PHF12: variants seen among roughly 807,000 people sequenced by gnomAD.
PHF12 encodes PHD factor 1.
In PHF12, 6 loss-of-function variants were observed where a neutral mutation model predicts 99.8. The observed-to-expected ratio is 0.06, with a 90% confidence interval of 0.03 to 0.12. The LOEUF (loss-of-function observed/expected upper bound fraction) is 0.12, where lower values mean the gene tolerates loss of function less well. Ranked by LOEUF, PHF12 falls within the 10% of genes least tolerant of loss-of-function variation. PHF12 has a pLI of 1.00. For synonymous variants in PHF12, 480 were observed against 514.9 expected (o/e 0.93, Z 0.92); for missense variants, 954 against 1,300.1 (o/e 0.73, Z 4.09).
chr17:28,924,076 A>G lies in PHF12; in HGVS notation c.548T>C (p.Val183Ala). Reference protein sequence around the residue: ...TETPTSEQNDVDEDIIDVDEE... With the variant: ...TETPTSEQNDADEDIIDVDEE... ...ATCCACGTCAATGATGTCTTCGTCG[A>G]CATCATTCTGCTCAGAGGTGGGAGT... Residue 183 changes from valine (V) to alanine (A), a missense_variant, in exon 4 of 15, where the codon GTC becomes GCC. Val to Ala is a moderately conservative substitution (Grantham distance 64). Transcript: ENST00000332830. 6.2e-7 allele frequency: 1 copy of G among 1,614,166 alleles called. No homozygotes were observed. The highest frequency in any genetic ancestry group is 8.5e-7 in the Non-Finnish European group (1 of 1,180,020).
At position 28,917,138 on chromosome 17, in the gene PHF12, T is replaced by C. The variant is rs1204153756; in HGVS notation, c.1134+147A>G. On this transcript the variant is annotated intron_variant, in intron 7 of 14. Coordinates refer to ENST00000332830, the MANE Select transcript of PHF12 (RefSeq NM_001033561.2). ...TGACCATCATCCCCAAGTATTAAAA[T>C]GAAGGTCACACTCATTACTCACGAG... The C allele has an allele frequency of 8.6e-6, 9 of 1,046,006 alleles. No homozygotes were observed. The Admixed American group carries it at 2.1e-4, about 25-fold the overall frequency. 64.8% of individuals were successfully genotyped at this position (1,046,006 alleles called of 1,614,324 possible).
At position 28,950,340 on chromosome 17, in the gene PHF12, C is replaced by A; in HGVS notation, c.67-94G>T. ...CGGTTTCTCCGTCACCCACCCCTCT[C>A]CCCCCTTTTGTCCTTCTTCCTCCCA... On this transcript the variant is annotated intron_variant, in intron 1 of 14. Coordinates refer to ENST00000332830, the MANE Select transcript of PHF12 (RefSeq NM_001033561.2). This position sits in a 1 kb window ranked among gnomAD's most constrained non-coding sequence, Gnocchi z 5.7. 3.7e-6 allele frequency: 5 copies of A among 1,342,512 alleles called. No homozygotes were observed. Among genetic ancestry groups the A allele is most frequent in the Non-Finnish European group, 5.0e-6 (5 of 995,052 alleles). 83.2% of individuals were successfully genotyped at this position (1,342,512 alleles called of 1,614,324 possible).
At chr17:28,946,866 G>A (rs2040730704) in intron 2 of PHF12, among the ~76,000 whole-genome samples, 1 of 151,902 alleles carries the variant, frequency 6.6e-6, no homozygotes, top group Non-Finnish European at 1.5e-5. Flanking sequence ...TTTCCGTATG[G>A]AAGGAAAATT....
chr17:28,940,622 A>C (rs560938020), intron 2 of PHF12, among the ~76,000 whole-genome samples: 1 of 152,154 alleles, frequency 6.6e-6, no homozygotes, highest in African/African-American at 2.4e-5. Flanking sequence ...CTTTGTTCTT[A>C]TTTGCTGAGA....
In PHF12 at chr17:28,950,848, G is replaced by C. The variant is rs1458000150; in HGVS notation, c.66+47C>G. On this transcript the variant is annotated intron_variant, in intron 1 of 14. Transcript: ENST00000332830. This position sits in a 1 kb window ranked among gnomAD's most constrained non-coding sequence, Gnocchi z 5.7. ...TGGCTTTGTGGGGCGGAGGGCGGAG[G>C]TTCCCTCCCGGCGCTGGAGGAAGGA... 1.9e-6 allele frequency: 3 copies of C among 1,607,984 alleles called. No individual in the cohort carries two copies. The highest frequency in any genetic ancestry group is 2.6e-6 in the Non-Finnish European group (3 of 1,176,416).
In PHF12 at chr17:28,950,316, G is replaced by C; in HGVS notation, c.67-70C>G. 1 of 1,493,192 alleles carries C rather than the reference G, an allele frequency of 6.7e-7. No individual in the cohort carries two copies. The highest frequency in any genetic ancestry group is 9.0e-7 in the Non-Finnish European group (1 of 1,112,358). The allele number at this position is 1,493,192 out of a possible 1,614,324, so 92.5% of individuals were successfully genotyped here. A position where few individuals can be genotyped will look rare whatever the true frequency, so the allele number is the denominator to read the frequency against. On this transcript the variant is annotated intron_variant, in intron 1 of 14. Coordinates refer to ENST00000332830, the MANE Select transcript of PHF12 (RefSeq NM_001033561.2). This position sits in a 1 kb window ranked among gnomAD's most constrained non-coding sequence, Gnocchi z 5.7. ...GGGCGGTCCGTCGCCCCCCCGGCGC[G>C]GTTTCTCCGTCACCCACCCCTCTCC...
intron 7 of PHF12, among the ~76,000 whole-genome samples, chr17:28,914,670 T>A (rs1344563614): frequency 5.6e-5 from 1 of 17,808 alleles, no homozygotes; most frequent in Non-Finnish European, 8.7e-5. Context: ...AGACTCCGTC[T>A]CAAAAAAAAA....
At chr17:28,924,453 T>C in intron 3 of PHF12, 151 bp from the exon 4 acceptor site, 3 of 1,039,004 alleles carry the variant, frequency 2.9e-6, no homozygotes, top group Non-Finnish European at 4.3e-6. Context: ...CACTGGTCTG[T>C]TAAAGTTGAC....
At chr17:28,933,400 G>C (rs1015048557) in intron 2 of PHF12, among the ~76,000 whole-genome samples, 3 of 152,162 alleles carry the variant, frequency 2.0e-5, no homozygotes, top group Non-Finnish European at 4.4e-5. Context: ...CATCATACAG[G>C]TGAGGAAACT....
In PHF12 at chr17:28,949,557, A is replaced by G. The variant is rs1309737130; in HGVS notation, c.248+508T>C. On this transcript the variant is annotated intron_variant, in intron 2 of 14. Transcript: ENST00000332830. This position sits in a 1 kb window ranked among gnomAD's most constrained non-coding sequence, Gnocchi z 4.6. ...CCATATTGTAAACAGAGAGGCAAAG[A>G]AGAGGCGGACTCGAGAGACACCCTC... The G allele has an allele frequency of 6.5e-6, 1 of 154,062 alleles. No individual in the cohort carries two copies. Among genetic ancestry groups the G allele is most frequent in the Non-Finnish European group, 1.4e-5 (1 of 69,240 alleles). 9.5% of individuals were successfully genotyped at this position (154,062 alleles called of 1,614,324 possible).
rs1400705834 is a variant in PHF12 at position 28,949,991 on chromosome 17, CA to C, written c.248+73del. 7 of 1,445,410 alleles carry C rather than the reference CA, an allele frequency of 4.8e-6. No individual in the cohort carries two copies. In the African/African-American group the frequency reaches 8.7e-5, roughly 18 times the overall value. The allele number at this position is 1,445,410 out of a possible 1,614,324, so 89.5% of individuals were successfully genotyped here. ...TGCAAGCGCCCGTTATTTCGGCAGT[CA>C]GGGGCAGGCCGGGTGAAGGAATGCG... On this transcript the variant is annotated intron_variant, in intron 2 of 14. Coordinates refer to ENST00000332830, the MANE Select transcript of PHF12 (RefSeq NM_001033561.2). This position sits in a 1 kb window ranked among gnomAD's most constrained non-coding sequence, Gnocchi z 4.6.
intron 2 of PHF12, among the ~76,000 whole-genome samples, chr17:28,931,804 A>C (rs1598149133): frequency 6.8e-6 from 1 of 147,534 alleles, no homozygotes; most frequent in South Asian, 2.2e-4. Context: ...CTGGTCTCGA[A>C]CTCCTGACCT....
At chr17:28,919,057 C>T (rs1370890690) in intron 6 of PHF12, 86 bp downstream of exon 6, 21 of 1,483,402 alleles carry the variant, frequency 1.4e-5, no homozygotes, top group Non-Finnish European at 1.7e-5. Flanking sequence ...GAACTTGGCA[C>T]CAAGCTGACC....
chr17:28,947,303 T>C (rs1444724750), intron 2 of PHF12, among the ~76,000 whole-genome samples: 1 of 152,126 alleles, frequency 6.6e-6, no homozygotes, highest in African/African-American at 2.4e-5. Context: ...TGAAAACACA[T>C]TCAAGAATAA....
In PHF12 at chr17:28,906,885, C is replaced by T. The variant is rs1206894217; in HGVS notation, c.2651G>A (p.Ser884Asn). The change falls in exon 14 of 15, where the codon AGT (serine) becomes AAT (asparagine). Residue 884 changes from serine (S) to asparagine (N), a missense_variant. Around this residue, in one of 8 missense-constraint regions of PHF12, gnomAD observed 136 missense variants for 172.3 expected, o/e 0.79. Transcript: ENST00000332830. This position sits in a 1 kb window ranked among gnomAD's most constrained non-coding sequence, Gnocchi z 4.2. ...SEKTPPTPPS[S>N]IVAKVQSVIR... ...GACACTCTGCACTTTGGCAACAATA[C>T]TGCTTGGGGGGGTTGGCGGGGTCTT... The T allele has an allele frequency of 6.2e-7, 1 of 1,610,068 alleles. No individual in the cohort carries two copies. Among genetic ancestry groups the T allele is most frequent in the African/African-American group, 1.3e-5 (1 of 74,814 alleles).
chr17:28,939,787 G>T (rs1317475714), intron 2 of PHF12, among the ~76,000 whole-genome samples: 1 of 152,188 alleles, frequency 6.6e-6, no homozygotes, highest in Admixed American at 6.5e-5. Flanking sequence ...CCACAAACAG[G>T]GGTCCACCTG....
At chr17:28,926,136 T>C (rs914124454) in intron 3 of PHF12, 1 of 152,520 alleles carries the variant, frequency 6.6e-6, no homozygotes, top group African/African-American at 2.4e-5. Context: ...TGAAAAATAA[T>C]GTCTGCTTGT....
Position 28,912,092 on chromosome 17 carries a change from A to T in PHF12, c.2089+390T>A. 15 of 1,029,712 alleles carry T rather than the reference A, an allele frequency of 1.5e-5. No individual in the cohort carries two copies. The South Asian group carries it at 2.7e-4, about 18-fold the overall frequency. The allele number at this position is 1,029,712 out of a possible 1,614,324, so 63.8% of individuals were successfully genotyped here. The stretch of plus-strand genomic sequence containing the variant: ...CTTTTGTGTGGATCTGACAATACTG[A>T]GGCCATCACGCAGAACCTCAGGCTG... On this transcript the variant is annotated intron_variant, in intron 9 of 14. Transcript: ENST00000332830.
At chr17:28,920,648 C>T (rs528261625) in intron 5 of PHF12, among the ~76,000 whole-genome samples, 72 of 152,290 alleles carry the variant, frequency 4.7e-4, no homozygotes, top group South Asian at 1.9e-3. Flanking sequence ...CTGCAACCTC[C>T]GCCTCCTGGG....
Sources: allele counts gnomAD v4.1 joint callset (sites outside exome capture counted in the v4.1 genomes callset), GRCh38; gene constraint gnomAD v4.1.1; regional missense constraint gnomAD v4.1.1; non-coding constraint Gnocchi (gnomAD v3.1); transcripts MANE v1.5; gene names NCBI Gene and HGNC (gene_info 2026-07-23, HGNC 2026-07-21).